Variants in ANKFN1 observed in about 807,000 individuals in gnomAD.
ANKFN1 encodes the protein ankyrin repeat and fibronectin type III domain containing 1, also known as ankyrin repeat and fibronectin type-III domain-containing protein 1.
Under a neutral mutation model 108.7 loss-of-function variants are expected in ANKFN1, and 74 were observed. The ratio of observed to expected loss-of-function variants is 0.68; its 90% CI spans 0.56 to 0.83. The LOEUF is 0.83. Ranked by LOEUF, ANKFN1 falls within the 40% of genes least tolerant of loss-of-function variation. The pLI, the probability that ANKFN1 is intolerant of heterozygous loss-of-function variation, is 0.00. For missense variants in ANKFN1, 1,505 were observed against 1,382.3 expected (o/e 1.09, Z -1.41); for synonymous variants, 547 against 516.2 (o/e 1.06, Z -0.81).
intron 8 of ANKFN1, among the ~76,000 whole-genome samples, chr17:56,379,981 G>A (rs527778354): frequency 2.6e-5 from 4 of 152,186 alleles, no homozygotes; most frequent in African/African-American, 7.2e-5. Context: ...TGTTATTCAC[G>A]CGCATTGTCT....
intron 4 of ANKFN1, among the ~76,000 whole-genome samples, chr17:56,067,297 C>T (rs1216978923): frequency 6.6e-6 from 1 of 152,160 alleles, no homozygotes; most frequent in Non-Finnish European, 1.5e-5. Flanking sequence ...CTGCTTCCAC[C>T]TCTTTTTCCT....
At chr17:56,416,048 T>C (rs2048232957) in intron 8 of ANKFN1, among the ~76,000 whole-genome samples, 1 of 152,192 alleles carries the variant, frequency 6.6e-6, no homozygotes, top group Non-Finnish European at 1.5e-5. Context: ...TCTCTCACCA[T>C]ATACAAATCA....
At chr17:56,425,797 A>G (rs1370013969) in intron 8 of ANKFN1, among the ~76,000 whole-genome samples, 3 of 152,208 alleles carry the variant, frequency 2.0e-5, no homozygotes, top group Non-Finnish European at 4.4e-5. Context: ...GCCTGCCTCT[A>G]TCATTACTCT....
chr17:56,309,179 A>T (rs1306106898), intron 3 of ANKFN1, among the ~76,000 whole-genome samples: 1 of 152,166 alleles, frequency 6.6e-6, no homozygotes, highest in African/African-American at 2.4e-5. Flanking sequence ...ACAATCTTGG[A>T]CTAGACATTA....
chr17:56,136,971 C>T (rs1598126986), intron 4 of ANKFN1, among the ~76,000 whole-genome samples: 1 of 152,244 alleles, frequency 6.6e-6, no homozygotes, highest in South Asian at 2.1e-4. Flanking sequence ...AAACAGACAC[C>T]CTTACCTGGG....
At chr17:56,314,372 T>G (rs993481718) in intron 3 of ANKFN1, among the ~76,000 whole-genome samples, 1 of 152,238 alleles carries the variant, frequency 6.6e-6, no homozygotes, top group Non-Finnish European at 1.5e-5. Flanking sequence ...GTATACCATT[T>G]TATACTCCAA....
At chr17:56,116,402 C>T (rs1906276479) in intron 4 of ANKFN1, among the ~76,000 whole-genome samples, 1 of 152,106 alleles carries the variant, frequency 6.6e-6, no homozygotes, top group Non-Finnish European at 1.5e-5. Context: ...TTGTTTGGAC[C>T]TTCCAAGTCT....
intron 3 of ANKFN1, among the ~76,000 whole-genome samples, chr17:56,265,233 CA>C (rs2043618075): frequency 6.6e-6 from 1 of 152,048 alleles, no homozygotes; most frequent in Admixed American, 6.6e-5. Context: ...AATTTATAAA[CA>C]AAAAGTTTAA....
At chr17:56,182,542 C>G (rs185103345) in intron 1 of ANKFN1, among the ~76,000 whole-genome samples, 3 of 152,130 alleles carry the variant, frequency 2.0e-5, no homozygotes, top group Non-Finnish European at 4.4e-5. Context: ...GACAAAGCTG[C>G]AGAAGAATCA....
At chr17:56,311,800 C>T in intron 3 of ANKFN1, among the ~76,000 whole-genome samples, 1 of 152,180 alleles carries the variant, frequency 6.6e-6, no homozygotes, top group Non-Finnish European at 1.5e-5. Flanking sequence ...TGGGTGACAT[C>T]CCCAAGGTAT....
intron 8 of ANKFN1, among the ~76,000 whole-genome samples, chr17:56,384,708 T>A (rs1404815812): frequency 6.6e-6 from 1 of 152,088 alleles, no homozygotes; most frequent in Admixed American, 6.6e-5. Context: ...ATGAGTGAAC[T>A]CCCATTCACA....
At chr17:56,261,798 C>T (rs928459995) in intron 3 of ANKFN1, among the ~76,000 whole-genome samples, 3 of 152,188 alleles carry the variant, frequency 2.0e-5, no homozygotes, top group African/African-American at 7.2e-5. Context: ...TCTGCATCTC[C>T]CCGTCCACTG....
At chr17:56,084,321 G>A (rs1905282443) in intron 4 of ANKFN1, among the ~76,000 whole-genome samples, 1 of 139,828 alleles carries the variant, frequency 7.2e-6, no homozygotes, top group Non-Finnish European at 1.6e-5. Context: ...TGGGGTACTG[G>A]GAAAGGATAA....
chr17:56,197,931 G>T (rs1177069254), intron 1 of ANKFN1, among the ~76,000 whole-genome samples: 1 of 152,126 alleles, frequency 6.6e-6, no homozygotes, highest in Non-Finnish European at 1.5e-5. Flanking sequence ...GAGTGGTCGA[G>T]CCCAAGAGGT....
intron 6 of ANKFN1, among the ~76,000 whole-genome samples, chr17:56,371,916 A>C (rs2046821683): frequency 6.6e-6 from 1 of 152,216 alleles, no homozygotes; most frequent in Non-Finnish European, 1.5e-5. Flanking sequence ...CTCTCTCAGC[A>C]AGAGGGGCTT....
At chr17:56,332,979 G>GTATATATATATATATATATATATATA (rs61494269) in intron 4 of ANKFN1, among the ~76,000 whole-genome samples, 101 of 147,766 alleles carry the variant, frequency 6.8e-4, no homozygotes, top group African/African-American at 2.4e-3. Context: ...ATATATGTGT[G>GTATATATATATATATATATATATATA]TATATATATA....
chr17:56,245,766 A>G (rs1304621377), intron 3 of ANKFN1: 1 of 152,156 alleles, frequency 6.6e-6, no homozygotes, highest in Non-Finnish European at 1.5e-5. Context: ...TGAGGAAACC[A>G]GAGAGTCCTA....
chr17:56,231,223 G>A (rs1362492658), intron 3 of ANKFN1, among the ~76,000 whole-genome samples: 1 of 151,954 alleles, frequency 6.6e-6, no homozygotes, highest in Non-Finnish European at 1.5e-5. Context: ...TCTTCTAGAG[G>A]GATTTTCTTT....
At chr17:56,487,592 G>A (rs1840181412) in intron 18 of ANKFN1, among the ~76,000 whole-genome samples, 1 of 152,048 alleles carries the variant, frequency 6.6e-6, no homozygotes, top group Admixed American at 6.5e-5. Context: ...CATTTACTGA[G>A]CTTCTGCTAT....
Sources: gnomAD v4.1 joint callset for allele counts (sites outside exome capture counted in the v4.1 genomes callset) on GRCh38, gnomAD v4.1.1 for gene constraint, MANE v1.5 for transcripts, NCBI Gene and HGNC (gene_info 2026-07-23, HGNC 2026-07-21) for gene names.